ADCY10: variants seen among roughly 807,000 people sequenced by gnomAD.
ADCY10 encodes adenylate cyclase type 10.
In ADCY10, 156 loss-of-function variants were observed where a neutral mutation model predicts 183.3. The observed-to-expected ratio is 0.85, with a 90% CI of 0.75 to 0.97. The LOEUF is 0.97. ADCY10 is among the 50% of genes least tolerant of loss of function. ADCY10 has a pLI of 0.00. For missense variants in ADCY10, 1,745 were observed against 1,934.3 expected, an observed-to-expected ratio of 0.90 and a Z score of 1.84; for synonymous variants, 645 against 670.0, an observed-to-expected ratio of 0.96 and a Z score of 0.58.
At chr1:167,859,921 G>C in intron 15 of ADCY10, 28 bp from the exon 16 acceptor site, 1 of 1,537,862 alleles carries the variant, frequency 6.5e-7, no homozygotes, top group Non-Finnish European at 9.0e-7. Flanking sequence ...AGAATATTGA[G>C]TATGGGAAAA....
In ADCY10 at chr1:167,908,700, G is replaced by A. The variant is rs150438616; in HGVS notation, c.-58-3502C>T. Among the ~76,000 whole-genome samples, 614 of 152,174 alleles carry A rather than the reference G, an allele frequency of 4.0e-3. 3 individuals carry two copies. Among genetic ancestry groups the A allele is most frequent in the Non-Finnish European group, 7.4e-3 (500 of 68,012 alleles). On this transcript the variant is annotated intron_variant, in intron 1 of 32. Transcript: ENST00000367851. ...GTCATTTTTGCCTTAATAAAGCTGAGGGAAAATAAAATTTGAAAATATAGT... is the reference window on the plus strand; with the variant it reads ...GTCATTTTTGCCTTAATAAAGCTGAAGGAAAATAAAATTTGAAAATATAGT...
At chr1:167,896,905 T>C (rs999092113) in intron 6 of ADCY10, among the ~76,000 whole-genome samples, 2 of 152,190 alleles carry the variant, frequency 1.3e-5, no homozygotes, top group Non-Finnish European at 2.9e-5. Context: ...CAATGTTTGG[T>C]ATATGTACAG....
intron 14 of ADCY10, among the ~76,000 whole-genome samples, chr1:167,866,958 A>T (rs983997876): frequency 6.6e-6 from 1 of 152,166 alleles, no homozygotes; most frequent in Non-Finnish European, 1.5e-5. Context: ...CTTAGGCAAA[A>T]CCTAAACATA....
chr1:167,904,990 T>C lies in ADCY10; in HGVS notation c.148+3A>G. 1.9e-6 allele frequency: 3 copies of C among 1,614,182 alleles called. No homozygotes were observed. The highest frequency in any genetic ancestry group is 2.5e-6 in the Non-Finnish European group (3 of 1,180,036). On this transcript the variant is annotated splice_donor_region_variant and intron_variant, in intron 2 of 32. Transcript: ENST00000367851. The stretch of plus-strand genomic sequence containing the variant: ...ATTAAACAAACATCCCTTTTGCACT[T>C]GCCTGAAATATCAACAAACATCAGG...
intron 18 of ADCY10, among the ~76,000 whole-genome samples, chr1:167,850,290 G>A (rs1424433562): frequency 2.0e-5 from 3 of 152,110 alleles, no homozygotes; most frequent in Admixed American, 6.6e-5. Flanking sequence ...ACAGAGACAC[G>A]AAGTACAGAA....
Position 167,820,249 on chromosome 1 carries a change from C to T in ADCY10, c.4286+1775G>A, listed in dbSNP as rs1662808665. On this transcript the variant is annotated intron_variant, in intron 30 of 32. Transcript: ENST00000367851. ...CAGGGCCCACTGGGTCCTGGTCCATCGTCGTCGCCACCACAGGGCTGCTGG... is the reference window on the plus strand; with the variant it reads ...CAGGGCCCACTGGGTCCTGGTCCATTGTCGTCGCCACCACAGGGCTGCTGG... The T allele has an allele frequency of 6.6e-6, 10 of 1,512,848 alleles. No individual in the cohort carries two copies. In the East Asian group the frequency reaches 2.2e-4, roughly 34 times the overall value. The allele number at this position is 1,512,848 out of a possible 1,614,324, so 93.7% of individuals were successfully genotyped here.
rs1251230292 is a variant in ADCY10 at position 167,845,851 on chromosome 1, G to A, written c.2719C>T (p.His907Tyr). The A allele has an allele frequency of 2.5e-6, 4 of 1,614,108 alleles. No homozygotes were observed. The highest frequency in any genetic ancestry group is 3.4e-6 in the Non-Finnish European group (4 of 1,180,040). The change falls in exon 21 of 33, where the codon CAC (histidine) becomes TAC (tyrosine). Residue 907 changes from histidine (H) to tyrosine (Y), a missense_variant and splice_region_variant. His to Tyr is a moderately conservative substitution (Grantham distance 83, BLOSUM62 2). Transcript: ENST00000367851. ...LSLKPSEGMD[H>Y]GEEEQLRELE... ...TCACGAAGCTGTTCCTCTTCACCGT[G>A]ATCTGGAGAGAGCAAAAAGGGTTTT...
intron 2 of ADCY10, 56 bp from the exon 3 acceptor site, chr1:167,904,047 A>C: frequency 1.8e-6 from 2 of 1,135,164 alleles, no homozygotes; most frequent in East Asian, 4.8e-5. Context: ...AAACAGAGCC[A>C]GAAGAGGACT....
intron 21 of ADCY10, among the ~76,000 whole-genome samples, chr1:167,844,368 T>C (rs1223865558): frequency 6.6e-6 from 1 of 152,202 alleles, no homozygotes; most frequent in Non-Finnish European, 1.5e-5. Flanking sequence ...TTAGTGCAGT[T>C]TCAACAACAT....
In ADCY10 at chr1:167,905,017, CTCCG is replaced by C; in HGVS notation, c.120_123del (p.Asp40GlufsTer3). ...CCTGAAATATCAACAAACATCAGGA[CTCCG>C]TCAAAATAATCCATAAAGGGTCGCT... On this transcript the variant is annotated frameshift_variant, in exon 2 of 33. Coordinates refer to ENST00000367851, the MANE Select transcript of ADCY10 (RefSeq NM_018417.6). LOFTEE classifies it high-confidence loss of function. 6.2e-7 allele frequency: 1 copy of C among 1,614,198 alleles called. No homozygotes were observed. The highest frequency in any genetic ancestry group is 1.3e-5 in the African/African-American group (1 of 75,066).
chr1:167,903,785 A>C, intron 3 of ADCY10, 102 bp downstream of exon 3: 1 of 811,516 alleles, frequency 1.2e-6, no homozygotes, highest in East Asian at 2.5e-5. Context: ...GGGGAAGAGG[A>C]GGAGTGCTAA....
intron 1 of ADCY10, among the ~76,000 whole-genome samples, chr1:167,908,033 C>T (rs1418218334): frequency 6.6e-6 from 1 of 152,164 alleles, no homozygotes; most frequent in South Asian, 2.1e-4. Flanking sequence ...AATAGAACTA[C>T]CATATGATCT....
intron 8 of ADCY10, among the ~76,000 whole-genome samples, chr1:167,886,356 A>G (rs1482812892): frequency 2.0e-5 from 3 of 152,224 alleles, no homozygotes; most frequent in Non-Finnish European, 4.4e-5. Flanking sequence ...AGAAATATAG[A>G]CCAATGGAAT....
chr1:167,888,541 C>A (rs541539631), intron 8 of ADCY10, among the ~76,000 whole-genome samples: 1 of 151,904 alleles, frequency 6.6e-6, no homozygotes, highest in Admixed American at 6.6e-5. Context: ...GGATTACTTT[C>A]TTGATTTCTT....
At chr1:167,822,682 C>CT (rs1365633673) in intron 29 of ADCY10, among the ~76,000 whole-genome samples, 1 of 152,186 alleles carries the variant, frequency 6.6e-6, no homozygotes, top group African/African-American at 2.4e-5. Context: ...GTACATCCTG[C>CT]TAAAAGTTAA....
chr1:167,837,541 A>G (rs1664314678), intron 21 of ADCY10, among the ~76,000 whole-genome samples: 2 of 152,244 alleles, frequency 1.3e-5, no homozygotes, highest in Admixed American at 1.3e-4. Context: ...TAAGATGGTT[A>G]TGTGTCTTCT....
chr1:167,860,832 C>T (rs752012621), intron 15 of ADCY10, 39 bp downstream of exon 15: 3 of 1,567,526 alleles, frequency 1.9e-6, no homozygotes, highest in Non-Finnish European at 2.6e-6. Context: ...TGTGCCTGCC[C>T]ATGGCTATTT....
In ADCY10 at chr1:167,883,424, A is replaced by G; in HGVS notation, c.1020+13T>C. ...AACTATTGGTAGGTTCCCATCCCAT[A>G]GTTCACACTTACCTTGTCAAACATG... On this transcript the variant is annotated intron_variant, in intron 9 of 32. Coordinates refer to ENST00000367851, the MANE Select transcript of ADCY10 (RefSeq NM_018417.6). The G allele has an allele frequency of 1.2e-6, 2 of 1,613,976 alleles. No individual in the cohort carries two copies. The highest frequency in any genetic ancestry group is 1.7e-6 in the Non-Finnish European group (2 of 1,179,820).
chr1:167,833,355 T>C (rs949697975), intron 24 of ADCY10, among the ~76,000 whole-genome samples, 193 bp from the exon 25 acceptor site: 1 of 152,208 alleles, frequency 6.6e-6, no homozygotes, highest in Non-Finnish European at 1.5e-5. Flanking sequence ...GTTGAATGAC[T>C]AGGATTTAGC....
Sources: allele counts gnomAD v4.1 joint callset (sites outside exome capture counted in the v4.1 genomes callset), GRCh38; gene constraint gnomAD v4.1.1; transcripts MANE v1.5; gene names NCBI Gene and HGNC (gene_info 2026-07-23, HGNC 2026-07-21).